SAMD12: variants seen among roughly 807,000 people sequenced by gnomAD.
The protein encoded by SAMD12 is sterile alpha motif domain containing 12, also known as sterile alpha motif domain-containing protein 12.
SAMD12 carries 9 observed loss-of-function variants against 15.0 expected under a neutral mutation model. The observed-to-expected ratio is 0.60, with a 90% CI of 0.36 to 1.05. The LOEUF is 1.05. Among genes scored for constraint, SAMD12 ranks in the 50% least tolerant of loss-of-function variants. SAMD12 has a pLI of 0.01. For missense variants in SAMD12, 230 were observed against 234.2 expected (o/e 0.98, Z 0.12); for synonymous variants, 86 against 90.1 (o/e 0.96, Z 0.25).
intron 3 of SAMD12, among the ~76,000 whole-genome samples, chr8:118,436,853 C>T (rs892850089): frequency 3.3e-5 from 5 of 152,200 alleles, no homozygotes; most frequent in Non-Finnish European, 7.3e-5. Context: ...GCTGTATGCT[C>T]ACTGTGACTG....
chr8:118,524,162 T>G (rs528569641), intron 2 of SAMD12, among the ~76,000 whole-genome samples: 6 of 152,106 alleles, frequency 3.9e-5, no homozygotes, highest in Admixed American at 3.9e-4. Flanking sequence ...GTTCTCCAAA[T>G]CCACCAGACC....
At chr8:118,185,046 T>C (rs1351150946), downstream of SAMD12, among the ~76,000 whole-genome samples, 4 of 152,152 alleles carry the variant, frequency 2.6e-5, no homozygotes, top group Non-Finnish European at 4.4e-5. Context: ...TGTGGACCTA[T>C]GTGCTTGTAT....
At chr8:118,452,199 AG>A (rs1308359225) in intron 2 of SAMD12, among the ~76,000 whole-genome samples, 1 of 152,138 alleles carries the variant, frequency 6.6e-6, no homozygotes, top group Non-Finnish European at 1.5e-5. Flanking sequence ...TTGAACTGGG[AG>A]AAAATACATT....
chr8:118,191,807 TATATAGAGAGAGAGAGAG>T lies in SAMD12; in HGVS notation c.*5885_*5902del, dbSNP rs1819405636. On this transcript the variant is annotated 3_prime_UTR_variant, in exon 5 of 5. Transcript: ENST00000409003. ...ATATATATATATATATATATATATA[TATATAGAGAGAGAGAGAG>T]AGAGAGAGAGAGAGAGAGAGAGAGA... is the stretch of plus-strand genomic sequence containing the variant. 1.9e-4 allele frequency: 3 copies of T among 15,946 alleles called. 1 individual carries two copies. The highest frequency in any genetic ancestry group is 5.2e-4 in the African/African-American group (3 of 5,736). 1.0% of individuals were successfully genotyped at this position (15,946 alleles called of 1,614,324 possible).
intron 4 of SAMD12, among the ~76,000 whole-genome samples, chr8:118,248,466 G>C (rs570419191): frequency 6.6e-6 from 1 of 152,218 alleles, no homozygotes; most frequent in South Asian, 2.1e-4. Flanking sequence ...GCTGGATGGA[G>C]GGTGGTGTTG....
At chr8:118,366,669 G>C (rs574329277) in intron 4 of SAMD12, among the ~76,000 whole-genome samples, 3 of 151,710 alleles carry the variant, frequency 2.0e-5, no homozygotes, top group Admixed American at 2.0e-4. Context: ...AAAATTAGCT[G>C]GGCGTGGTGG....
intron 2 of SAMD12, among the ~76,000 whole-genome samples, chr8:118,474,803 A>G (rs529253360): frequency 6.6e-6 from 1 of 152,296 alleles, no homozygotes; most frequent in African/African-American, 2.4e-5. Flanking sequence ...CCTCTTGCTA[A>G]AATTTGATCC....
chr8:118,490,297 TG>T (rs923166730), intron 2 of SAMD12, among the ~76,000 whole-genome samples: 1 of 152,182 alleles, frequency 6.6e-6, no homozygotes, highest in Non-Finnish European at 1.5e-5. Context: ...TTTATAATAG[TG>T]GGTCATGTCT....
At chr8:118,603,547 G>C (rs1454155616) in intron 1 of SAMD12, among the ~76,000 whole-genome samples, 1 of 152,144 alleles carries the variant, frequency 6.6e-6, no homozygotes, top group East Asian at 1.9e-4. Flanking sequence ...TAAGTACAAG[G>C]GTAGAATAAA....
At chr8:118,452,277 A>G (rs565272581) in intron 2 of SAMD12, among the ~76,000 whole-genome samples, 16 of 152,326 alleles carry the variant, frequency 1.1e-4, no homozygotes, top group Non-Finnish European at 2.4e-4. Flanking sequence ...ACACAGGAGC[A>G]AACTCCAGTT....
At chr8:118,337,313 C>T (rs1254346081) in intron 4 of SAMD12, among the ~76,000 whole-genome samples, 1 of 152,136 alleles carries the variant, frequency 6.6e-6, no homozygotes, top group Non-Finnish European at 1.5e-5. Context: ...TCAGCTTTTG[C>T]ACATCACTGT....
chr8:118,440,108 A>G (rs980498936), intron 2 of SAMD12, 147 bp from the exon 3 acceptor site: 2 of 730,826 alleles, frequency 2.7e-6, no homozygotes, highest in Non-Finnish European at 4.4e-6. Flanking sequence ...ACCTCTGTAG[A>G]CCTTCTCAAT....
chr8:118,242,679 A>G (rs1354176119), intron 4 of SAMD12, among the ~76,000 whole-genome samples: 1 of 152,046 alleles, frequency 6.6e-6, no homozygotes, highest in Non-Finnish European at 1.5e-5. Flanking sequence ...GGACTGCTAT[A>G]AACAGAAAAA....
At chr8:118,606,664 T>C (rs749178674) in intron 1 of SAMD12, among the ~76,000 whole-genome samples, 3 of 151,670 alleles carry the variant, frequency 2.0e-5, no homozygotes, top group Non-Finnish European at 4.4e-5. Flanking sequence ...AGCATAGTGG[T>C]ACTTAGCAAG....
chr8:118,403,015 C>T (rs986334734), intron 3 of SAMD12, among the ~76,000 whole-genome samples: 1 of 152,146 alleles, frequency 6.6e-6, no homozygotes, highest in Non-Finnish European at 1.5e-5. Flanking sequence ...CTAAAACTTA[C>T]CCAAATCCCT....
chr8:118,544,578 ATT>A (rs1315184960), intron 2 of SAMD12, among the ~76,000 whole-genome samples: 9 of 152,238 alleles, frequency 5.9e-5, no homozygotes, highest in African/African-American at 2.2e-4. Flanking sequence ...CCCAGGTCAC[ATT>A]CCTTGAAAAT....
In SAMD12 at chr8:118,580,722, G is replaced by A. The variant is rs146896986; in HGVS notation, c.185C>T (p.Thr62Met). ...TPKRLQAEAE[T>M]AKSATVKLSK... ...AACTGGAATATTACGCACCTTAGCC[G>A]TCTCAGCTTCTGCCTGCAGTCGCTT... Residue 62 changes from threonine to methionine, a missense_variant, in exon 2 of 4, where the codon ACG becomes ATG. By Grantham distance (81) the Thr-to-Met change is moderately conservative. Coordinates refer to ENST00000314727, the MANE Select transcript of SAMD12 (RefSeq NM_207506.3). The A allele has an allele frequency of 3.6e-4, 588 of 1,611,900 alleles. 2 individuals are homozygous for A. The African/African-American group carries it at 4.2e-3, about 12-fold the overall frequency.
At chr8:118,264,051 G>A (rs1467223907) in intron 4 of SAMD12, among the ~76,000 whole-genome samples, 1 of 152,024 alleles carries the variant, frequency 6.6e-6, no homozygotes, top group Non-Finnish European at 1.5e-5. Flanking sequence ...TAAGCTTTAG[G>A]TTTATTTTTG....
At position 118,392,775 on chromosome 8, in the gene SAMD12, C is replaced by T. The variant is rs148430239; in HGVS notation, c.323-13075G>A. Among the ~76,000 whole-genome samples, 157 of 152,228 alleles carry T rather than the reference C, an allele frequency of 1.0e-3. 1 individual carries two copies. The highest frequency in any genetic ancestry group is 1.5e-3 in the Non-Finnish European group (102 of 68,018). ...AGGTGATTCTTTGTGATACCAGCTACCTTATGCACTGCAGGATGCTGTGTG... is the reference window on the plus strand; with the variant it reads ...AGGTGATTCTTTGTGATACCAGCTATCTTATGCACTGCAGGATGCTGTGTG... On this transcript the variant is annotated intron_variant, in intron 3 of 3. Coordinates refer to ENST00000314727, the MANE Select transcript of SAMD12 (RefSeq NM_207506.3).
Sources: gnomAD v4.1 joint callset for allele counts (sites outside exome capture counted in the v4.1 genomes callset) on GRCh38, gnomAD v4.1.1 for gene constraint, MANE v1.5 for transcripts, NCBI Gene and HGNC (gene_info 2026-07-23, HGNC 2026-07-21) for gene names.